The following TENM3 variants were observed in gnomAD, a reference collection of about 807,000 sequenced individuals.
The protein encoded by TENM3 is teneurin transmembrane protein 3, also known as teneurin-3.
Under a neutral mutation model 255.1 loss-of-function variants are expected in TENM3, and 63 were observed. That is an observed-to-expected ratio of 0.25 (90% CI 0.20 to 0.30). TENM3 has a LOEUF of 0.30. TENM3 is among the 10% of genes least tolerant of loss of function. The pLI, the probability that TENM3 is intolerant of heterozygous loss-of-function variation, is 1.00. For synonymous variants in TENM3, 1,306 were observed against 1,322.3 expected, an observed-to-expected ratio of 0.99 and a Z score of 0.27; for missense variants, 2,929 against 3,461.1, an observed-to-expected ratio of 0.85 and a Z score of 3.86.
At chr4:181,724,566 T>C in the TENM3 span, among the ~76,000 whole-genome samples, 1 of 152,222 alleles carries the variant, frequency 6.6e-6, no homozygotes, top group Admixed American at 6.5e-5. Context: ...ATCTTTTTTA[T>C]CTCTGTAAGA....
chr4:181,800,112 G>T, the TENM3 span, among the ~76,000 whole-genome samples: 1 of 152,154 alleles, frequency 6.6e-6, no homozygotes, highest in Admixed American at 6.5e-5. Flanking sequence ...TGTCAGTGTT[G>T]CAACTGTTAT....
At chr4:181,665,425 A>G in the TENM3 span, among the ~76,000 whole-genome samples, 1 of 152,174 alleles carries the variant, frequency 6.6e-6, no homozygotes, top group South Asian at 2.1e-4. Context: ...AATGCTCTAC[A>G]TATTTAAGCA....
At chr4:182,070,996 C>A in the TENM3 span, among the ~76,000 whole-genome samples, 1 of 152,300 alleles carries the variant, frequency 6.6e-6, no homozygotes, top group Non-Finnish European at 1.5e-5. Context: ...ACTAACTTCC[C>A]TCTTGAGGAT....
chr4:182,401,313 C>T (rs1769200943), intron 3 of TENM3, among the ~76,000 whole-genome samples: 1 of 152,102 alleles, frequency 6.6e-6, no homozygotes, highest in African/African-American at 2.4e-5. Flanking sequence ...GAGCAGTTGT[C>T]CAGTTTTAAT....
chr4:182,475,415 T>A lies in TENM3; in HGVS notation c.512-125509T>A, dbSNP rs570280469. Among the ~76,000 whole-genome samples the A allele has an allele frequency of 3.2e-3, 491 of 152,300 alleles. 8 individuals carry two copies. Among genetic ancestry groups the A allele is most frequent in the African/African-American group, 0.011 (464 of 41,568 alleles). On this transcript the variant is annotated intron_variant, in intron 3 of 27. Transcript: ENST00000511685. ...TTATTTAAAACTGATCAATTTTTTT[T>A]TTTCTGGGTCAGTTTTGTGAAAGTG...
chr4:182,368,345 T>G (rs895025933), intron 3 of TENM3, among the ~76,000 whole-genome samples: 2 of 152,158 alleles, frequency 1.3e-5, no homozygotes, highest in African/African-American at 2.4e-5. Flanking sequence ...TTAAATCAAG[T>G]TGGTTGAGTT....
At chr4:182,679,638 T>C (rs1415000072) in intron 7 of TENM3, 28 bp from the exon 8 acceptor site, 2 of 1,570,004 alleles carry the variant, frequency 1.3e-6, no homozygotes, top group Non-Finnish European at 1.7e-6. Context: ...TTTATCTTTC[T>C]GACTATTTTT....
the TENM3 span, among the ~76,000 whole-genome samples, chr4:181,788,231 A>G: frequency 9.9e-5 from 15 of 152,180 alleles, no homozygotes; most frequent in Non-Finnish European, 1.5e-4. Flanking sequence ...GATGATTATC[A>G]TCATCCCTTA....
At chr4:181,936,284 A>C in the TENM3 span, among the ~76,000 whole-genome samples, 1 of 152,040 alleles carries the variant, frequency 6.6e-6, no homozygotes. Flanking sequence ...CGTCCCAGCT[A>C]CTCGGGAGGC....
At chr4:181,689,526 G>A in the TENM3 span, among the ~76,000 whole-genome samples, 1 of 152,122 alleles carries the variant, frequency 6.6e-6, no homozygotes, top group African/African-American at 2.4e-5. Flanking sequence ...TATGTCCGGG[G>A]TACAATTCTG....
the TENM3 span, among the ~76,000 whole-genome samples, chr4:181,710,129 G>T: frequency 2.0e-5 from 3 of 152,118 alleles, no homozygotes; most frequent in Non-Finnish European, 2.9e-5. Flanking sequence ...AGTTTTTAAT[G>T]CCATGGTGCC....
chr4:182,539,243 G>T (rs1424799998), intron 3 of TENM3, among the ~76,000 whole-genome samples: 4 of 151,480 alleles, frequency 2.6e-5, no homozygotes, highest in Non-Finnish European at 5.9e-5. Context: ...CAAGAGAAGA[G>T]ACCATTTGAA....
chr4:182,389,708 C>G (rs1198161772), intron 3 of TENM3, among the ~76,000 whole-genome samples: 39 of 5,712 alleles, frequency 6.8e-3, no homozygotes, highest in Middle Eastern at 0.17. Flanking sequence ...TTTTTTGAGA[C>G]GGAGTCTCGC....
At chr4:182,188,171 G>C (rs919586139) in intron 1 of TENM3, among the ~76,000 whole-genome samples, 3 of 152,068 alleles carry the variant, frequency 2.0e-5, no homozygotes, top group African/African-American at 4.8e-5. Context: ...GCCTCACTTT[G>C]TTATAGTATT....
chr4:181,765,647 G>A, the TENM3 span, among the ~76,000 whole-genome samples: 25 of 152,254 alleles, frequency 1.6e-4, no homozygotes, highest in East Asian at 4.4e-3. Flanking sequence ...ATACTGCTAA[G>A]CTTCCCTTCG....
At chr4:182,312,799 C>T (rs1395861753) in intron 1 of TENM3, among the ~76,000 whole-genome samples, 1 of 152,018 alleles carries the variant, frequency 6.6e-6, no homozygotes, top group East Asian at 1.9e-4. Context: ...TACACTTTAC[C>T]CTAAAGGTCT....
At chr4:182,440,879 A>G (rs952173875) in intron 3 of TENM3, among the ~76,000 whole-genome samples, 12 of 151,576 alleles carry the variant, frequency 7.9e-5, no homozygotes, top group African/African-American at 2.9e-4. Flanking sequence ...GGTTTGTTAC[A>G]TAAGTAAACA....
At chr4:182,634,083 TG>T (rs1751636629) in intron 5 of TENM3, among the ~76,000 whole-genome samples, 1 of 152,134 alleles carries the variant, frequency 6.6e-6, no homozygotes, top group African/African-American at 2.4e-5. Context: ...GACCACAATA[TG>T]AGTAGCACAG....
At chr4:181,480,911 C>T in the TENM3 span, among the ~76,000 whole-genome samples, 1 of 150,842 alleles carries the variant, frequency 6.6e-6, no homozygotes, top group African/African-American at 2.4e-5. Context: ...GTCTTGGCAG[C>T]ATTATTATTC....
Sources: gnomAD v4.1 joint callset for allele counts (sites outside exome capture counted in the v4.1 genomes callset) on GRCh38, gnomAD v4.1.1 for gene constraint, MANE v1.5 for transcripts, NCBI Gene and HGNC (gene_info 2026-07-23, HGNC 2026-07-21) for gene names.